The following NCOA2 variants were observed in gnomAD, a reference collection of about 807,000 sequenced individuals.
The protein encoded by NCOA2 is class E basic helix-loop-helix protein 75.
In NCOA2, 21 loss-of-function variants were observed where a neutral mutation model predicts 145.1. The observed-to-expected ratio is 0.14, with a 90% CI of 0.10 to 0.21. NCOA2 has a LOEUF of 0.21. NCOA2 is among the 10% of genes least tolerant of loss of function. The pLI, the probability that NCOA2 is intolerant of heterozygous loss-of-function variation, is 1.00. For synonymous variants in NCOA2, 619 were observed against 637.5 expected, an observed-to-expected ratio of 0.97 and a Z score of 0.44; for missense variants, 1,472 against 1,837.6, an observed-to-expected ratio of 0.80 and a Z score of 3.64.
chr8:70,284,957 A>G (rs1826137180), intron 2 of NCOA2, among the ~76,000 whole-genome samples: 1 of 152,140 alleles, frequency 6.6e-6, no homozygotes, highest in Non-Finnish European at 1.5e-5. Context: ...ATACGGGGAG[A>G]ACAGATTAGA....
chr8:70,362,335 TCAAAA>T (rs1810282913), intron 1 of NCOA2, among the ~76,000 whole-genome samples: 1 of 151,804 alleles, frequency 6.6e-6, no homozygotes, highest in African/African-American at 2.4e-5. Context: ...AAATCAATGC[TCAAAA>T]CAATCCATCA....
At chr8:70,380,983 G>C (rs189431422) in intron 1 of NCOA2, among the ~76,000 whole-genome samples, 1 of 151,746 alleles carries the variant, frequency 6.6e-6, no homozygotes, top group African/African-American at 2.4e-5. Context: ...TGAGGTAGGA[G>C]GATCACCTGA....
chr8:70,293,036 G>A (rs1289062408), intron 2 of NCOA2, among the ~76,000 whole-genome samples: 1 of 152,090 alleles, frequency 6.6e-6, no homozygotes, highest in Non-Finnish European at 1.5e-5. Context: ...AGGGCATTTT[G>A]TCAACTTAAA....
chr8:70,166,532 A>C, intron 7 of NCOA2, 34 bp downstream of exon 7: 1 of 1,607,862 alleles, frequency 6.2e-7, no homozygotes, highest in Non-Finnish European at 8.5e-7. Context: ...ATAAATACAC[A>C]GACACACAGA....
the NCOA2 span, among the ~76,000 whole-genome samples, chr8:70,430,275 T>G: frequency 4.6e-5 from 7 of 152,154 alleles, no homozygotes; most frequent in African/African-American, 1.7e-4. Context: ...ACCTTACAGA[T>G]AAAATGAGAT....
the NCOA2 span, among the ~76,000 whole-genome samples, chr8:70,428,866 T>TAAA: frequency 6.1e-5 from 9 of 147,338 alleles, no homozygotes; most frequent in African/African-American, 2.0e-4. Context: ...GCTAATTTGC[T>TAAA]AAAAAAAAAA....
At chr8:70,138,167 T>C in intron 15 of NCOA2, 36 bp downstream of exon 15, 1 of 1,586,244 alleles carries the variant, frequency 6.3e-7, no homozygotes, top group Non-Finnish European at 8.5e-7. Context: ...TGGACAGGTA[T>C]AAAATAACTG....
At position 70,376,467 on chromosome 8, in the gene NCOA2, T is replaced by C. The variant is rs546373408; in HGVS notation, c.-77+27233A>G. ...GTCTGGATTTTTCTATTATATTCTC[T>C]AGTTTTGTTTTGTTTTTAAGCTGGT... is the stretch of plus-strand genomic sequence containing the variant. On this transcript the variant is annotated intron_variant, in intron 1 of 22. Coordinates refer to ENST00000452400, the MANE Select transcript of NCOA2 (RefSeq NM_006540.4). Among the ~76,000 whole-genome samples, 28 of 152,306 alleles carry C rather than the reference T, an allele frequency of 1.8e-4. No homozygotes were observed. In the South Asian group the frequency reaches 5.0e-3, roughly 27 times the overall value.
At chr8:70,278,073 C>T (rs183077385) in intron 2 of NCOA2, among the ~76,000 whole-genome samples, 1 of 152,320 alleles carries the variant, frequency 6.6e-6, no homozygotes, top group East Asian at 1.9e-4. Context: ...TCCCACTCTC[C>T]AATCCCAGCC....
chr8:70,426,844 G>A, the NCOA2 span, among the ~76,000 whole-genome samples: 2 of 152,230 alleles, frequency 1.3e-5, no homozygotes, highest in Admixed American at 6.5e-5. Context: ...TGAGGCTGGA[G>A]TGCAGTGTCA....
intron 2 of NCOA2, among the ~76,000 whole-genome samples, chr8:70,232,870 T>TACACACAGACACAC (rs1554601848): frequency 6.9e-6 from 1 of 145,232 alleles, no homozygotes; most frequent in Non-Finnish European, 1.5e-5. Flanking sequence ...ATTTAGAATT[T>TACACACAGACACAC]ACACACACAC....
the NCOA2 span, among the ~76,000 whole-genome samples, chr8:70,433,575 T>A: frequency 6.6e-6 from 1 of 152,194 alleles, no homozygotes; most frequent in Admixed American, 6.5e-5. Flanking sequence ...GGTCAGATCA[T>A]ATAGGGCCTA....
In NCOA2 at chr8:70,112,654, T is replaced by C. The variant is rs1277873823; in HGVS notation, c.*978A>G. The C allele has an allele frequency of 2.5e-5, 5 of 200,268 alleles. No individual in the cohort carries two copies. The highest frequency in any genetic ancestry group is 1.2e-4 in the Admixed American group (2 of 16,666). 12.4% of individuals were successfully genotyped at this position (200,268 alleles called of 1,614,324 possible). On this transcript the variant is annotated 3_prime_UTR_variant, in exon 23 of 23. Coordinates refer to ENST00000452400, the MANE Select transcript of NCOA2 (RefSeq NM_006540.4). Reference sequence around the variant, plus strand: ...CTTGCCAGTAAATGCATTTTTTTTTTCTGAAATTCAATACTTAGCAATTGG... The same window carrying C: ...CTTGCCAGTAAATGCATTTTTTTTTCCTGAAATTCAATACTTAGCAATTGG...
chr8:70,196,157 C>A (rs573067123), intron 4 of NCOA2, among the ~76,000 whole-genome samples: 6 of 152,216 alleles, frequency 3.9e-5, no homozygotes, highest in African/African-American at 1.4e-4. Flanking sequence ...GCAGGCAGAT[C>A]ACGAGGTCAG....
upstream of NCOA2, among the ~76,000 whole-genome samples, chr8:70,404,691 G>A (rs1814689338): frequency 6.6e-6 from 1 of 152,140 alleles, no homozygotes; most frequent in Admixed American, 6.5e-5. Flanking sequence ...GAGAATTTTC[G>A]GCACATCATG....
the NCOA2 span, among the ~76,000 whole-genome samples, chr8:70,428,991 G>A: frequency 6.6e-6 from 1 of 152,188 alleles, no homozygotes; most frequent in African/African-American, 2.4e-5. Context: ...TATTGTGGCT[G>A]ATGTCAATAT....
intron 13 of NCOA2, among the ~76,000 whole-genome samples, chr8:70,142,129 TG>T (rs1338901528): frequency 6.6e-6 from 1 of 152,246 alleles, no homozygotes; most frequent in East Asian, 1.9e-4. Context: ...TGTCCTGTCC[TG>T]GCCCCCAGGA....
intron 1 of NCOA2, among the ~76,000 whole-genome samples, chr8:70,359,958 TA>T (rs1312057285): frequency 6.6e-6 from 1 of 152,220 alleles, no homozygotes; most frequent in Non-Finnish European, 1.5e-5. Context: ...CCATCTTTGA[TA>T]TTTCTCTTTC....
At chr8:70,278,477 TC>T (rs1402843417) in intron 2 of NCOA2, among the ~76,000 whole-genome samples, 1 of 152,000 alleles carries the variant, frequency 6.6e-6, no homozygotes, top group Non-Finnish European at 1.5e-5. Context: ...CCAAACCAGG[TC>T]TTTTGTAAGA....
Sources: allele counts gnomAD v4.1 joint callset (sites outside exome capture counted in the v4.1 genomes callset), GRCh38; gene constraint gnomAD v4.1.1; transcripts MANE v1.5; gene names NCBI Gene and HGNC (gene_info 2026-07-23, HGNC 2026-07-21).